MAPRE2: variants seen among roughly 807,000 people sequenced by gnomAD.
MAPRE2 encodes the protein microtubule associated protein RP/EB family member 2.
In MAPRE2, 13 loss-of-function variants were observed where a neutral mutation model predicts 43.2. The ratio of observed to expected loss-of-function variants is 0.30; its 90% CI spans 0.20 to 0.48. The LOEUF (loss-of-function observed/expected upper bound fraction) is 0.48. MAPRE2 is among the 20% of genes least tolerant of loss of function. The pLI, the probability that MAPRE2 is intolerant of heterozygous loss-of-function variation, is 0.99. For missense variants in MAPRE2, 161 were observed against 400.2 expected (o/e 0.40, Z 5.10); for synonymous variants, 135 against 148.8 (o/e 0.91, Z 0.68).
intron 1 of MAPRE2, among the ~76,000 whole-genome samples, chr18:34,981,338 A>G (rs2097016098): frequency 6.6e-6 from 1 of 151,856 alleles, no homozygotes. Context: ...AGATTTCACC[A>G]CTGCACTCCA....
chr18:35,096,205 G>T (rs1908407952), intron 2 of MAPRE2, among the ~76,000 whole-genome samples: 1 of 152,060 alleles, frequency 6.6e-6, no homozygotes, highest in African/African-American at 2.4e-5. Context: ...AGAAGTCTTG[G>T]TAGTGTAAAG....
intron 2 of MAPRE2, among the ~76,000 whole-genome samples, chr18:35,079,394 G>A (rs1907526645): frequency 6.6e-6 from 1 of 152,120 alleles, no homozygotes; most frequent in Admixed American, 6.5e-5. Flanking sequence ...ATGCTAAGAG[G>A]CTCCATCAGT....
chr18:35,067,924 T>TA (rs1412497211), intron 1 of MAPRE2, among the ~76,000 whole-genome samples: 1 of 152,146 alleles, frequency 6.6e-6, no homozygotes, highest in Non-Finnish European at 1.5e-5. Flanking sequence ...AACCAAAAAG[T>TA]AAAAAACCTT....
chr18:35,129,505 C>T (rs1910053944), intron 5 of MAPRE2, among the ~76,000 whole-genome samples: 2 of 152,184 alleles, frequency 1.3e-5, no homozygotes, highest in South Asian at 4.2e-4. Context: ...AGAAGTACCA[C>T]TATGCTAGAC....
At chr18:35,073,554 A>G (rs1471740276) in intron 2 of MAPRE2, among the ~76,000 whole-genome samples, 2 of 152,316 alleles carry the variant, frequency 1.3e-5, no homozygotes, top group Admixed American at 1.3e-4. Flanking sequence ...CATATTTAAA[A>G]TGATTTAAAA....
intron 2 of MAPRE2, among the ~76,000 whole-genome samples, chr18:35,024,160 G>A (rs1221709254): frequency 6.6e-6 from 1 of 152,154 alleles, no homozygotes; most frequent in Non-Finnish European, 1.5e-5. Context: ...TTTGTAGCAG[G>A]GGGAAAGTGC....
At chr18:35,093,426 A>G (rs1330230465) in intron 2 of MAPRE2, among the ~76,000 whole-genome samples, 1 of 152,150 alleles carries the variant, frequency 6.6e-6, no homozygotes. Flanking sequence ...ATATATAGCC[A>G]AAGGAAATTA....
chr18:35,069,031 A>T (rs1305780380), intron 1 of MAPRE2, among the ~76,000 whole-genome samples: 2 of 152,210 alleles, frequency 1.3e-5, no homozygotes, highest in Non-Finnish European at 2.9e-5. Context: ...GTCCCATTAG[A>T]ACTTGAATAA....
At chr18:35,049,317 T>C (rs1481493741) in intron 1 of MAPRE2, among the ~76,000 whole-genome samples, 1 of 152,134 alleles carries the variant, frequency 6.6e-6, no homozygotes, top group Non-Finnish European at 1.5e-5. Flanking sequence ...CTTCCCCCAC[T>C]CCCTCACGCC....
chr18:35,119,575 CAAAT>C (rs1159958245), intron 4 of MAPRE2, among the ~76,000 whole-genome samples: 2 of 152,200 alleles, frequency 1.3e-5, no homozygotes, highest in African/African-American at 4.8e-5. Flanking sequence ...AAAATTTGCA[CAAAT>C]GAATGAATTA....
chr18:35,120,726 C>CT lies in MAPRE2; in HGVS notation c.611-6212dup, dbSNP rs376749764. Among the ~76,000 whole-genome samples the CT allele has an allele frequency of 6.2e-3, 928 of 149,050 alleles. 9 individuals are homozygous for CT. The highest frequency in any genetic ancestry group is 0.022 in the African/African-American group (890 of 40,770). On this transcript the variant is annotated intron_variant, in intron 4 of 6. Coordinates refer to ENST00000300249, the MANE Select transcript of MAPRE2 (RefSeq NM_014268.4). The stretch of plus-strand genomic sequence containing the variant: ...TACCCTTTCTCCAGCAATGACATTA[C>CT]TTTTTTTTTTAACCAAGCTCATCAT...
intron 2 of MAPRE2, chr18:35,005,621 T>C: frequency 1.1e-6 from 1 of 933,256 alleles, no homozygotes; most frequent in Non-Finnish European, 1.6e-6. Context: ...AGTAGTAATA[T>C]TGTCATTGTA....
intron 1 of MAPRE2, among the ~76,000 whole-genome samples, chr18:34,982,041 A>T (rs2097016678): frequency 6.6e-6 from 1 of 150,956 alleles, no homozygotes; most frequent in Admixed American, 6.6e-5. Context: ...CCGCCACCAC[A>T]CCTGGCTAAT....
At chr18:35,045,900 A>G (rs1373917303) in intron 1 of MAPRE2, among the ~76,000 whole-genome samples, 1 of 152,226 alleles carries the variant, frequency 6.6e-6, no homozygotes, top group Non-Finnish European at 1.5e-5. Context: ...GTACATGCCC[A>G]ACTCTGGAAC....
intron 1 of MAPRE2, among the ~76,000 whole-genome samples, chr18:35,067,673 G>A (rs1025316596): frequency 3.3e-5 from 5 of 152,032 alleles, no homozygotes; most frequent in South Asian, 2.1e-4. Flanking sequence ...TACATTGCCC[G>A]GTAATGCAGA....
intron 2 of MAPRE2, among the ~76,000 whole-genome samples, chr18:35,092,286 C>T (rs997108113): frequency 2.6e-5 from 4 of 152,178 alleles, no homozygotes; most frequent in African/African-American, 9.7e-5. Flanking sequence ...AACAATCCAA[C>T]AGAATAGAGC....
chr18:35,122,293 C>T (rs1909711882), intron 4 of MAPRE2, among the ~76,000 whole-genome samples: 1 of 151,978 alleles, frequency 6.6e-6, no homozygotes, highest in Admixed American at 6.5e-5. Flanking sequence ...TGAAAACAAG[C>T]TTTTAGTTTA....
intron 4 of MAPRE2, among the ~76,000 whole-genome samples, chr18:35,111,134 G>A (rs1220410132): frequency 6.6e-6 from 1 of 152,000 alleles, no homozygotes; most frequent in Non-Finnish European, 1.5e-5. Context: ...TTTCTTCCCA[G>A]TACTTATTTT....
At chr18:35,094,210 A>G (rs907259897) in intron 2 of MAPRE2, among the ~76,000 whole-genome samples, 1 of 152,214 alleles carries the variant, frequency 6.6e-6, no homozygotes, top group Non-Finnish European at 1.5e-5. Flanking sequence ...AAAAGATCAC[A>G]CTTGTACCCC....
Sources: allele counts gnomAD v4.1 joint callset (sites outside exome capture counted in the v4.1 genomes callset), GRCh38; gene constraint gnomAD v4.1.1; transcripts MANE v1.5; gene names NCBI Gene and HGNC (gene_info 2026-07-23, HGNC 2026-07-21).